HUWE1: variants seen among roughly 807,000 people sequenced by gnomAD.
The protein encoded by HUWE1 is E3 ubiquitin-protein ligase HUWE1.
Under a neutral mutation model 299.4 loss-of-function variants are expected in HUWE1, and 18 were observed. The observed-to-expected ratio is 0.06, with a 90% confidence interval of 0.04 to 0.09. The LOEUF is 0.09. HUWE1 is among the 10% of genes least tolerant of loss of function. The pLI is 1.00. For synonymous variants in HUWE1, 1,317 were observed against 1,286.1 expected (o/e 1.02, Z -0.51); for missense variants, 1,832 against 3,462.3 (o/e 0.53, Z 11.82).
chrX:53,683,822 G>A (rs901763563), intron 2 of HUWE1: 1 of 244,153 alleles, frequency 4.1e-6, no homozygotes, highest in Non-Finnish European at 7.3e-6. Flanking sequence ...CATCTTAACA[G>A]CAGGCGGACC....
chrX:53,612,682 T>C (rs1445569763), intron 23 of HUWE1, among the ~76,000 whole-genome samples: 9 of 111,827 alleles, frequency 8.0e-5, no homozygotes, highest in Non-Finnish European at 1.5e-4. Context: ...TGAGTTCTCA[T>C]TTGGAGGTAA....
intron 30 of HUWE1, 96 bp from the exon 31 acceptor site, chrX:53,594,717 A>G: frequency 2.4e-6 from 2 of 850,185 alleles, no homozygotes; most frequent in Middle Eastern, 3.3e-4. Context: ...AAATTTACAC[A>G]CTGAAGTGAC....
At chrX:53,635,211 TAA>T (rs1182113505) in intron 7 of HUWE1, among the ~76,000 whole-genome samples, 12 of 109,719 alleles carry the variant, frequency 1.1e-4, no homozygotes, top group East Asian at 2.8e-4. Context: ...ACATTTCATA[TAA>T]AAAGATATTT....
chrX:53,612,615 G>C (rs2065550013), intron 23 of HUWE1, among the ~76,000 whole-genome samples: 1 of 111,664 alleles, frequency 9.0e-6, no homozygotes, highest in South Asian at 3.7e-4. Context: ...AGGTGAGTGA[G>C]GAAAACCATT....
At chrX:53,582,864 G>A (rs1479577561) in intron 42 of HUWE1, among the ~76,000 whole-genome samples, 1 of 110,850 alleles carries the variant, frequency 9.0e-6, no homozygotes, top group African/African-American at 3.3e-5. Flanking sequence ...AAGTAGCTGG[G>A]ATTACAGGTG....
At chrX:53,620,632 G>A (rs1300975556) in intron 19 of HUWE1, among the ~76,000 whole-genome samples, 2 of 111,418 alleles carry the variant, frequency 1.8e-5, no homozygotes, top group Non-Finnish European at 3.8e-5. Flanking sequence ...AATGGACAAT[G>A]GTCTCTTAAA....
intron 68 of HUWE1, among the ~76,000 whole-genome samples, chrX:53,547,442 T>G (rs1191587200): frequency 9.0e-6 from 1 of 111,091 alleles, no homozygotes; most frequent in African/African-American, 3.3e-5. Context: ...AGTGTGTGTG[T>G]GAGAGGCAGG....
Position 53,575,497 on chromosome X carries a change from C to T in HUWE1, c.6030+146G>A, listed in dbSNP as rs1211074537. The T allele has an allele frequency of 4.6e-6, 3 of 653,946 alleles. No homozygotes were observed. The East Asian group carries it at 1.1e-4, about 23-fold the overall frequency. 53.9% of individuals were successfully genotyped at this position (653,946 alleles called of 1,213,427 possible). A position where few individuals can be genotyped will look rare whatever the true frequency, so the allele number is the denominator to read the frequency against. ...GAAAAAAAAGTCTCCAGGGACACCC[C>T]AATTTTGTCTTTACAGGCAACAGAT... On this transcript the variant is annotated intron_variant, in intron 45 of 83. Transcript: ENST00000262854.
chrX:53,535,362 G>A (rs145617440), intron 81 of HUWE1, 22 bp downstream of exon 81: 1 of 992,387 alleles, frequency 1.0e-6, no homozygotes, highest in Non-Finnish European at 1.4e-6. Context: ...AGCAACTAGA[G>A]GTCTAGGAAC....
At chrX:53,625,478 A>G (rs2066424337) in intron 17 of HUWE1, 1 of 340,855 alleles carries the variant, frequency 2.9e-6, no homozygotes, top group Admixed American at 5.3e-5. Context: ...AGTCTAAAGT[A>G]AAAAAGAAAA....
chrX:53,582,848 C>T (rs2063687874), intron 42 of HUWE1, among the ~76,000 whole-genome samples: 1 of 110,498 alleles, frequency 9.0e-6, no homozygotes, highest in South Asian at 3.9e-4. Context: ...GCAACCTCTG[C>T]CTCCCAAGTA....
chrX:53,590,003 G>A (rs1166062823), intron 35 of HUWE1, among the ~76,000 whole-genome samples, 187 bp from the exon 36 acceptor site: 2 of 111,853 alleles, frequency 1.8e-5, no homozygotes, highest in African/African-American at 6.5e-5. Flanking sequence ...TAGAAGGGAG[G>A]GATGCTTCAA....
At chrX:53,559,180 A>G (rs1468432921) in intron 57 of HUWE1, 120 bp from the exon 58 acceptor site, 2 of 755,063 alleles carry the variant, frequency 2.6e-6, no homozygotes, top group Admixed American at 2.7e-5. Flanking sequence ...TGTTTAGAAC[A>G]TAACAAGTAC....
intron 4 of HUWE1, among the ~76,000 whole-genome samples, chrX:53,650,358 G>C (rs1254936833): frequency 8.9e-6 from 1 of 111,923 alleles, no homozygotes; most frequent in Non-Finnish European, 1.9e-5. Context: ...GGGGCCACTA[G>C]AAACTTTCCT....
Position 53,632,401 on chromosome X carries a change from T to C in HUWE1, c.645+86A>G, listed in dbSNP as rs1358626375. 8 of 679,842 alleles carry C rather than the reference T, an allele frequency of 1.2e-5. No homozygotes were observed. The African/African-American group carries it at 1.7e-4, about 15-fold the overall frequency. 56.0% of individuals were successfully genotyped at this position (679,842 alleles called of 1,213,427 possible). The stretch of plus-strand genomic sequence containing the variant: ...CAGCAGTGTAGCTCAAAACCATTTA[T>C]TCATTTAACTGAGGAGTTCTAGAAG... On this transcript the variant is annotated intron_variant, in intron 9 of 83. Transcript: ENST00000262854.
chrX:53,635,829 AAC>A (rs2067176196), intron 7 of HUWE1, among the ~76,000 whole-genome samples: 1 of 111,818 alleles, frequency 8.9e-6, no homozygotes, highest in Non-Finnish European at 1.9e-5. Flanking sequence ...CTCAAAAACA[AAC>A]AGTGTAAACC....
At chrX:53,592,184 G>A (rs1444305247) in intron 33 of HUWE1, among the ~76,000 whole-genome samples, 1 of 111,767 alleles carries the variant, frequency 8.9e-6, no homozygotes, top group Non-Finnish European at 1.9e-5. Context: ...TCATCAACAT[G>A]CTTGAAAGGA....
At chrX:53,624,913 A>G (rs185687024) in intron 18 of HUWE1, among the ~76,000 whole-genome samples, 1 of 112,172 alleles carries the variant, frequency 8.9e-6, no homozygotes, top group African/African-American at 3.2e-5. Context: ...AAGGGGTAAT[A>G]AGACGGAATT....
At chrX:53,633,508 T>C (rs782133617) in intron 8 of HUWE1, among the ~76,000 whole-genome samples, 1 of 112,089 alleles carries the variant, frequency 8.9e-6, no homozygotes, top group South Asian at 3.7e-4. Context: ...CGTGGGAAAG[T>C]AACTTGATCT....
Sources: allele counts gnomAD v4.1 joint callset (sites outside exome capture counted in the v4.1 genomes callset), GRCh38; gene constraint gnomAD v4.1.1; transcripts MANE v1.5; gene names NCBI Gene and HGNC (gene_info 2026-07-23, HGNC 2026-07-21).